SIAH3: variants seen among roughly 807,000 people sequenced by gnomAD.
SIAH3 encodes the protein seven in absentia homolog 3.
SIAH3 carries 9 observed loss-of-function variants against 12.6 expected under a neutral mutation model. The ratio of observed to expected loss-of-function variants is 0.72; its 90% CI spans 0.43 to 1.25. The LOEUF (loss-of-function observed/expected upper bound fraction) is 1.25, where lower values mean the gene tolerates loss of function less well. Among genes scored for constraint, SIAH3 ranks in the 50% most tolerant of loss-of-function variants. The pLI, the probability that SIAH3 is intolerant of heterozygous loss-of-function variation, is 0.00. For missense variants in SIAH3, 390 were observed against 365.4 expected (o/e 1.07, Z -0.55); for synonymous variants, 154 against 151.1 (o/e 1.02, Z -0.14).
chr13:45,826,973 A>T (rs1950680363), intron 1 of SIAH3, among the ~76,000 whole-genome samples: 1 of 152,198 alleles, frequency 6.6e-6, no homozygotes, highest in Admixed American at 6.5e-5. Flanking sequence ...TAGTCTCTCG[A>T]GTAAACCACA....
At chr13:45,793,034 A>G (rs981672106) in intron 1 of SIAH3, among the ~76,000 whole-genome samples, 4 of 152,248 alleles carry the variant, frequency 2.6e-5, no homozygotes, top group African/African-American at 7.2e-5. Flanking sequence ...CCAAAGCCAC[A>G]TTAACTATGA....
At position 45,851,352 on chromosome 13, in the gene SIAH3, A is replaced by T. The variant is rs138472776; in HGVS notation, c.135+143T>A. 18 of 1,103,158 alleles carry T rather than the reference A, an allele frequency of 1.6e-5. No homozygotes were observed. In the East Asian group the frequency reaches 4.3e-4, roughly 27 times the overall value. 68.3% of individuals were successfully genotyped at this position (1,103,158 alleles called of 1,614,324 possible). On this transcript the variant is annotated intron_variant, in intron 1 of 1. Coordinates refer to ENST00000400405, the MANE Select transcript of SIAH3 (RefSeq NM_198849.3). Reference sequence around the variant, plus strand: ...TAGAGAGCGAGAGTGAGCCGAGGCAAACACGCCGGGTTCCAGACACCGTCC... The same window carrying T: ...TAGAGAGCGAGAGTGAGCCGAGGCATACACGCCGGGTTCCAGACACCGTCC...
chr13:45,849,326 T>C (rs1593391111), intron 1 of SIAH3, among the ~76,000 whole-genome samples: 1 of 152,222 alleles, frequency 6.6e-6, no homozygotes. Flanking sequence ...GTGAGCTATG[T>C]CCTCTCAAAG....
intron 1 of SIAH3, among the ~76,000 whole-genome samples, chr13:45,828,430 C>T (rs1950686482): frequency 6.6e-6 from 1 of 152,212 alleles, no homozygotes; most frequent in African/African-American, 2.4e-5. Context: ...AAATGCTACT[C>T]TGAAAGCTGC....
chr13:45,834,417 T>C (rs541278997), intron 1 of SIAH3, among the ~76,000 whole-genome samples: 1 of 152,116 alleles, frequency 6.6e-6, no homozygotes, highest in Non-Finnish European at 1.5e-5. Context: ...TCTTCTTGCT[T>C]GGAAAAGAAG....
At chr13:45,806,367 C>G (rs1041328414) in intron 1 of SIAH3, among the ~76,000 whole-genome samples, 3 of 152,152 alleles carry the variant, frequency 2.0e-5, no homozygotes, top group Admixed American at 6.5e-5. Context: ...ACATATACAC[C>G]ATGGAATACT....
intron 1 of SIAH3, among the ~76,000 whole-genome samples, chr13:45,835,283 A>G (rs984222782): frequency 6.6e-6 from 1 of 152,224 alleles, no homozygotes; most frequent in Non-Finnish European, 1.5e-5. Context: ...TAGTCTTCAG[A>G]TTATCAACTA....
In SIAH3 at chr13:45,780,399, T is replaced by A. The variant is rs1054600115; in HGVS notation, c.*2984A>T. The A allele has an allele frequency of 4.6e-5, 7 of 151,850 alleles. No individual in the cohort carries two copies. The allele number at this position is 151,850 out of a possible 1,614,324, so 9.4% of individuals were successfully genotyped here. A position where few individuals can be genotyped will look rare whatever the true frequency, so the allele number is the denominator to read the frequency against. On this transcript the variant is annotated 3_prime_UTR_variant, in exon 2 of 2. Coordinates refer to ENST00000400405, the MANE Select transcript of SIAH3 (RefSeq NM_198849.3). ...CCATCCCCCTGTCTTGGCCTCCGAG[T>A]AGTTAAGACTATAGGCTTGTGTCAC...
intron 1 of SIAH3, among the ~76,000 whole-genome samples, chr13:45,817,015 A>C (rs1438240436): frequency 6.6e-6 from 1 of 152,188 alleles, no homozygotes; most frequent in African/African-American, 2.4e-5. Flanking sequence ...TAATTTCCAC[A>C]TGGGTAAAAT....
chr13:45,790,215 G>C (rs186964942), intron 1 of SIAH3, among the ~76,000 whole-genome samples: 4 of 152,218 alleles, frequency 2.6e-5, no homozygotes, highest in Non-Finnish European at 5.9e-5. Flanking sequence ...AGTACACACA[G>C]AAGCCTTGAG....
intron 1 of SIAH3, among the ~76,000 whole-genome samples, chr13:45,843,863 G>A (rs530807190): frequency 6.6e-5 from 10 of 152,222 alleles, no homozygotes; most frequent in Non-Finnish European, 8.8e-5. Context: ...AATTGGTGCC[G>A]GTCATAATCC....
chr13:45,847,177 C>G (rs1779254639), intron 1 of SIAH3, among the ~76,000 whole-genome samples: 1 of 152,120 alleles, frequency 6.6e-6, no homozygotes, highest in Non-Finnish European at 1.5e-5. Flanking sequence ...AACTGAGTAA[C>G]CCACATACCA....
At chr13:45,786,254 A>G (rs545800774) in intron 1 of SIAH3, among the ~76,000 whole-genome samples, 162 of 152,294 alleles carry the variant, frequency 1.1e-3, no homozygotes, top group African/African-American at 3.6e-3. Context: ...CCTATACTCA[A>G]GAGGACCCAG....
intron 1 of SIAH3, among the ~76,000 whole-genome samples, chr13:45,812,407 A>G (rs914426550): frequency 6.6e-6 from 1 of 152,196 alleles, no homozygotes; most frequent in Non-Finnish European, 1.5e-5. Flanking sequence ...ATGTGGTCCA[A>G]TTGCCAGTTC....
chr13:45,829,484 C>T (rs1474722921), intron 1 of SIAH3, among the ~76,000 whole-genome samples: 1 of 152,094 alleles, frequency 6.6e-6, no homozygotes, highest in African/African-American at 2.4e-5. Flanking sequence ...TGGTGTCAAC[C>T]TTTAGTCCCA....
intron 1 of SIAH3, among the ~76,000 whole-genome samples, chr13:45,838,008 A>G (rs1183310373): frequency 6.6e-6 from 1 of 152,206 alleles, no homozygotes; most frequent in Non-Finnish European, 1.5e-5. Context: ...TGTATTCACC[A>G]CATCACCCCC....
chr13:45,841,115 A>G (rs984799608), intron 1 of SIAH3, among the ~76,000 whole-genome samples: 1 of 152,184 alleles, frequency 6.6e-6, no homozygotes, highest in African/African-American at 2.4e-5. Context: ...TTGGCCTAGT[A>G]TAAGTCATTA....
intron 1 of SIAH3, among the ~76,000 whole-genome samples, chr13:45,845,951 G>T (rs1425920971): frequency 1.3e-5 from 2 of 152,016 alleles, no homozygotes; most frequent in African/African-American, 2.4e-5. Context: ...GAGAGATAGG[G>T]TACAGGAAGG....
At chr13:45,849,200 G>A (rs1950770906) in intron 1 of SIAH3, among the ~76,000 whole-genome samples, 1 of 152,166 alleles carries the variant, frequency 6.6e-6, no homozygotes, top group South Asian at 2.1e-4. Flanking sequence ...TCCTGAGGGG[G>A]CATTAGCAGC....
Sources: allele counts gnomAD v4.1 joint callset (sites outside exome capture counted in the v4.1 genomes callset), GRCh38; gene constraint gnomAD v4.1.1; transcripts MANE v1.5; gene names NCBI Gene and HGNC (gene_info 2026-07-23, HGNC 2026-07-21).